TBC1D1: variants seen among roughly 807,000 people sequenced by gnomAD.
TBC1D1 encodes TBC1 (tre-2/USP6, BUB2, cdc16) domain family, member 1.
Under a neutral mutation model 125.6 loss-of-function variants are expected in TBC1D1, and 89 were observed. The ratio of observed to expected loss-of-function variants is 0.71; its 90% confidence interval spans 0.60 to 0.85. The LOEUF is 0.85. Among genes scored for constraint, TBC1D1 ranks in the 40% least tolerant of loss-of-function variants. The probability of loss-of-function intolerance (pLI) is 0.00; values close to 1 mark genes in which losing one functional copy is unlikely to be tolerated. For missense variants in TBC1D1, 1,377 were observed against 1,469.2 expected (o/e 0.94, Z 1.03); for synonymous variants, 565 against 564.1 (o/e 1.00, Z -0.02).
chr4:37,900,845 G>A (rs1299410433), intron 1 of TBC1D1, among the ~76,000 whole-genome samples: 1 of 152,170 alleles, frequency 6.6e-6, no homozygotes, highest in African/African-American at 2.4e-5. Context: ...GCCAAGGTGG[G>A]CAGATCACTT....
At chr4:37,942,304 T>C (rs1725732384) in intron 2 of TBC1D1, among the ~76,000 whole-genome samples, 1 of 152,336 alleles carries the variant, frequency 6.6e-6, no homozygotes. Flanking sequence ...TTTTGATCTT[T>C]GTTGGTTTAA....
In TBC1D1 at chr4:38,018,368, A is replaced by C; in HGVS notation, c.897A>C (p.Glu299Asp). The C allele has an allele frequency of 5.0e-6, 8 of 1,610,392 alleles. No homozygotes were observed. The highest frequency in any genetic ancestry group is 6.8e-6 in the Non-Finnish European group (8 of 1,178,838). The change falls in exon 4 of 20, where the codon GAA becomes GAC. Residue 299 changes from glutamate (E) to aspartate (D), a missense_variant. Glu to Asp is a conservative substitution (Grantham distance 45). This residue lies in a region of TBC1D1 where 822 missense variants were observed against 824.6 expected (regional missense o/e 1.00). Coordinates refer to ENST00000261439, the MANE Select transcript of TBC1D1 (RefSeq NM_015173.4). Reference sequence around the variant, plus strand: ...TGTCTTTTAAGATTGGCCAGTCTGAAGTTTACCTCATCAGTCCTGACACCA... The same window carrying C: ...TGTCTTTTAAGATTGGCCAGTCTGACGTTTACCTCATCAGTCCTGACACCA...
At chr4:38,123,019 AAGATCTCCTGTTAACCTAAAGAGACCAC>A (rs1336482122) in intron 17 of TBC1D1, among the ~76,000 whole-genome samples, 2 of 152,202 alleles carry the variant, frequency 1.3e-5, no homozygotes, top group African/African-American at 2.4e-5. Context: ...TAAATCTCAG[AAGATCTCCTGTTAACCTAAAGAGACCAC>A]TGATGTGGAT....
intron 1 of TBC1D1, among the ~76,000 whole-genome samples, chr4:37,894,283 G>A (rs1382855370): frequency 1.3e-5 from 2 of 152,224 alleles, no homozygotes; most frequent in Admixed American, 6.6e-5. Context: ...CACGGCGCCC[G>A]ACCAGTTTTT....
intron 14 of TBC1D1, 75 bp downstream of exon 16, chr4:38,096,165 A>G (rs909911616): frequency 2.3e-5 from 30 of 1,314,418 alleles, no homozygotes; most frequent in Non-Finnish European, 3.2e-5. Flanking sequence ...AATTAAAAAA[A>G]AGTCAAGTCT....
At chr4:38,045,951 G>C (rs1749359079) in intron 10 of TBC1D1, 48 bp downstream of exon 10, 1 of 1,522,008 alleles carries the variant, frequency 6.6e-7, no homozygotes, top group Non-Finnish European at 9.1e-7. Context: ...CCAACAAATA[G>C]GTCTTGCTCA....
rs777398937 is a variant in TBC1D1, at chr4:38,021,630, C to T, written c.1122C>T (p.Ala374=). The change falls in exon 6 of 20, where the codon GCC becomes GCT. Residue 374 remains alanine, a synonymous_variant. Transcript: ENST00000261439. The stretch of plus-strand genomic sequence containing the variant: ...CCCTGAAACAGGCCTTCACGGTGGC[C>T]GCAGTGCAGCAGACAGCTAAGGCGC... The T allele has an allele frequency of 1.8e-5, 29 of 1,590,742 alleles. No homozygotes were observed. In the Admixed American group the frequency reaches 2.1e-4, roughly 12 times the overall value.
At chr4:38,082,220 G>A (rs1413546956) in intron 12 of TBC1D1, among the ~76,000 whole-genome samples, 2 of 152,140 alleles carry the variant, frequency 1.3e-5, no homozygotes, top group African/African-American at 4.8e-5. Flanking sequence ...AATAAGGGCG[G>A]GGTGGCGAAG....
intron 18 of TBC1D1, among the ~76,000 whole-genome samples, chr4:38,127,023 G>C (rs1051412743): frequency 2.7e-5 from 4 of 150,298 alleles, no homozygotes; most frequent in Non-Finnish European, 4.4e-5. Context: ...AGCTTTTGTT[G>C]CATGTACTTA....
chr4:37,952,459 C>T (rs1003129544), intron 2 of TBC1D1: 16 of 183,404 alleles, frequency 8.7e-5, no homozygotes, highest in Non-Finnish European at 1.6e-4. Context: ...TAAAAAGAAA[C>T]GAGATCACGT....
At chr4:37,917,713 C>T (rs1490659987) in intron 2 of TBC1D1, among the ~76,000 whole-genome samples, 2 of 152,104 alleles carry the variant, frequency 1.3e-5, no homozygotes, top group Non-Finnish European at 2.9e-5. Flanking sequence ...GGATTTTGAT[C>T]CAATATTTAA....
At position 37,977,802 on chromosome 4, in the gene TBC1D1, G is replaced by A. The variant is rs141491030; in HGVS notation, c.418-36707G>A. On this transcript the variant is annotated intron_variant, in intron 2 of 19. Coordinates refer to ENST00000261439, the MANE Select transcript of TBC1D1 (RefSeq NM_015173.4). This position sits in a 1 kb window ranked among gnomAD's most constrained non-coding sequence, Gnocchi z 4.3. ...GGACCCCTGCGGGAGCCCGAACCCA[G>A]CAGGCGGCTCCTCCGGCCCCTGTCG... Among the ~76,000 whole-genome samples, 3 of 152,272 alleles carry A rather than the reference G, an allele frequency of 2.0e-5. No individual in the cohort carries two copies. In the East Asian group the frequency reaches 5.8e-4, roughly 30 times the overall value.
At chr4:37,951,922 A>G in intron 2 of TBC1D1, 2 of 714,304 alleles carry the variant, frequency 2.8e-6, no homozygotes, top group Non-Finnish European at 2.6e-6. Flanking sequence ...TACTTTTACC[A>G]TGTCCCTCCC....
chr4:38,114,879 C>T (rs190477738), intron 15 of TBC1D1, among the ~76,000 whole-genome samples: 17 of 151,822 alleles, frequency 1.1e-4, no homozygotes, highest in Non-Finnish European at 2.1e-4. Flanking sequence ...TTTGAAAGTA[C>T]GGAGATATGC....
chr4:38,011,830 C>T (rs1015736798), intron 2 of TBC1D1, among the ~76,000 whole-genome samples: 1 of 152,140 alleles, frequency 6.6e-6, no homozygotes, highest in South Asian at 2.1e-4. Flanking sequence ...CGATTGTGAC[C>T]AAGTTATGAG....
chr4:38,078,265 A>G (rs1309032339), intron 12 of TBC1D1, among the ~76,000 whole-genome samples: 1 of 152,170 alleles, frequency 6.6e-6, no homozygotes, highest in Non-Finnish European at 1.5e-5. Flanking sequence ...AGGCCATCCC[A>G]TGCCTTTCCA....
In TBC1D1 at chr4:37,993,713, C is replaced by G. The variant is rs112417267; in HGVS notation, c.418-20796C>G. 7.8e-4 allele frequency among the ~76,000 whole-genome samples: 119 copies of G among 152,332 alleles called. 1 individual carries two copies. The highest frequency in any genetic ancestry group is 2.7e-3 in the African/African-American group (114 of 41,562). ...TCTCCTGCCTCAGCCTCCCAAGTAGCTGGGATTACAGGCGCCCGCCACCGT... is the reference window on the plus strand; with the variant it reads ...TCTCCTGCCTCAGCCTCCCAAGTAGGTGGGATTACAGGCGCCCGCCACCGT... On this transcript the variant is annotated intron_variant, in intron 2 of 19. Coordinates refer to ENST00000261439, the MANE Select transcript of TBC1D1 (RefSeq NM_015173.4).
At chr4:38,107,349 GT>G (rs1761490026) in intron 15 of TBC1D1, among the ~76,000 whole-genome samples, 1 of 152,164 alleles carries the variant, frequency 6.6e-6, no homozygotes, top group African/African-American at 2.4e-5. Context: ...CAAGTCAGTT[GT>G]TTAGTCTACA....
intron 19 of TBC1D1, among the ~76,000 whole-genome samples, chr4:38,136,432 C>A (rs114895773): frequency 1.0e-3 from 154 of 152,162 alleles, no homozygotes; most frequent in African/African-American, 3.5e-3. Flanking sequence ...ATATGTGTTC[C>A]GGGGTAAATG....
Sources: allele counts gnomAD v4.1 joint callset (sites outside exome capture counted in the v4.1 genomes callset), GRCh38; gene constraint gnomAD v4.1.1; regional missense constraint gnomAD v4.1.1; non-coding constraint Gnocchi (gnomAD v3.1); transcripts MANE v1.5; gene names NCBI Gene and HGNC (gene_info 2026-07-23, HGNC 2026-07-21).